CSTA: variants seen among roughly 807,000 people sequenced by gnomAD.
CSTA encodes the protein cystatin A, also known as cystatin-A.
A neutral mutation model predicts 9.2 loss-of-function variants in CSTA; 9 were observed. The ratio of observed to expected loss-of-function variants is 0.97; its 90% CI spans 0.59 to 1.70. The LOEUF (loss-of-function observed/expected upper bound fraction) is 1.70, where lower values mean the gene tolerates loss of function less well. Ranked by LOEUF, CSTA falls within the 40% of genes most tolerant of loss-of-function variation. CSTA has a pLI of 0.00. For synonymous variants in CSTA, 36 were observed against 40.6 expected, an observed-to-expected ratio of 0.89 and a Z score of 0.43; for missense variants, 118 against 113.1, an observed-to-expected ratio of 1.04 and a Z score of -0.20.
intron 1 of CSTA, among the ~76,000 whole-genome samples, chr3:122,333,008 T>C (rs1167656286): frequency 1.3e-5 from 2 of 152,114 alleles, no homozygotes; most frequent in Non-Finnish European, 2.9e-5. Flanking sequence ...ACCATGCAAA[T>C]CTATTTTACT....
Position 122,341,428 on chromosome 3 carries a change from A to C in CSTA, c.169-11A>C. On this transcript the variant is annotated splice_polypyrimidine_tract_variant and intron_variant, in intron 2 of 2. Coordinates refer to ENST00000264474, the MANE Select transcript of CSTA (RefSeq NM_005213.4). ...TCTCCTTTTGCTTTCTCTTTCTTTA[A>C]TATTTTTCAGGTACGAGCAGGTGAT... is the stretch of plus-strand genomic sequence containing the variant. 6.2e-7 allele frequency: 1 copy of C among 1,613,654 alleles called. No individual in the cohort carries two copies. Among genetic ancestry groups the C allele is most frequent in the South Asian group, 1.1e-5 (1 of 91,066 alleles).
At chr3:122,330,727 G>A (rs2075199491) in intron 1 of CSTA, among the ~76,000 whole-genome samples, 1 of 152,158 alleles carries the variant, frequency 6.6e-6, no homozygotes, top group Non-Finnish European at 1.5e-5. Context: ...AACAACTGTG[G>A]TCTTTTCATT....
At chr3:122,337,134 G>A (rs78032804) in intron 1 of CSTA, among the ~76,000 whole-genome samples, 5,293 of 152,036 alleles carry the variant, frequency 0.035, 301 homozygotes, top group African/African-American at 0.12. Context: ...TATGTAAAAC[G>A]GCAAAATTAA....
chr3:122,327,528 CAA>C (rs59568582), intron 1 of CSTA, among the ~76,000 whole-genome samples: 7 of 44,092 alleles, frequency 1.6e-4, no homozygotes, highest in Admixed American at 5.5e-4. Context: ...GACTCCGTCT[CAA>C]AAAAAAAAAA....
rs34173813 is a variant in CSTA at position 122,341,557 on chromosome 3, C to T, written c.287C>T (p.Thr96Met). The T allele has an allele frequency of 0.13, 210,281 of 1,613,738 alleles. 15,124 individuals are homozygous for T. The highest frequency in any genetic ancestry group is 0.25 in the Middle Eastern group (1,525 of 6,056). ...QVDKNKDDEL[T>M]GF is the part of the protein sequence containing the mutation. ...GACAAAAACAAGGATGACGAGCTGA[C>T]GGGCTTTTAGCAGCATGTACCCAAA... The change falls in exon 3 of 3, where the codon ACG becomes ATG. Residue 96 changes from threonine to methionine, a missense_variant. Transcript: ENST00000264474.
chr3:122,328,813 C>T (rs999892322), intron 1 of CSTA, among the ~76,000 whole-genome samples: 2 of 147,524 alleles, frequency 1.4e-5, no homozygotes, highest in African/African-American at 5.0e-5. Flanking sequence ...TGGTGACGGG[C>T]GCCTGTAGTC....
At chr3:122,331,081 A>G (rs762224112) in intron 1 of CSTA, among the ~76,000 whole-genome samples, 1 of 150,742 alleles carries the variant, frequency 6.6e-6, no homozygotes, top group Admixed American at 6.7e-5. Flanking sequence ...GCTACTATAC[A>G]TGCAATGTGC....
At chr3:122,329,287 T>C (rs2075189628) in intron 1 of CSTA, among the ~76,000 whole-genome samples, 2 of 151,836 alleles carry the variant, frequency 1.3e-5, no homozygotes, top group Non-Finnish European at 2.9e-5. Flanking sequence ...TTTTACTCCT[T>C]AGAAGGACTG....
intron 2 of CSTA, among the ~76,000 whole-genome samples, chr3:122,338,499 C>CA (rs58446448): frequency 1.5e-4 from 21 of 140,164 alleles, no homozygotes; most frequent in African/African-American, 3.4e-4. Flanking sequence ...ATTTTTTCAG[C>CA]AAAAAAAAAA....
In CSTA at chr3:122,341,486, T is replaced by A. The variant is rs1219295911; in HGVS notation, c.216T>A (p.Ser72Arg). ...ATATGCACTTGAAAGTATTCAAAAGTCTTCCCGGACAAAATGAGGACTTGG... is the reference window on the plus strand; with the variant it reads ...ATATGCACTTGAAAGTATTCAAAAGACTTCCCGGACAAAATGAGGACTTGG... The part of the protein sequence containing the change: ...NKYMHLKVFK[S>R]LPGQNEDLVL... Residue 72 changes from serine (S) to arginine (R), a missense_variant, in exon 3 of 3, where the codon AGT becomes AGA. Transcript: ENST00000264474. 6.2e-7 allele frequency: 1 copy of A among 1,614,044 alleles called. No homozygotes were observed. Among genetic ancestry groups the A allele is most frequent in the Admixed American group, 1.7e-5 (1 of 60,018 alleles).
At chr3:122,337,695 T>C in intron 2 of CSTA, 47 bp downstream of exon 2, 1 of 1,210,246 alleles carries the variant, frequency 8.3e-7, no homozygotes, top group Non-Finnish European at 1.2e-6. Flanking sequence ...TATTTCTCAT[T>C]TTATGTAAAA....
intron 1 of CSTA, among the ~76,000 whole-genome samples, chr3:122,333,720 GAGAA>G (rs1457002390): frequency 4.2e-4 from 42 of 99,328 alleles, no homozygotes; most frequent in African/African-American, 1.2e-3. Flanking sequence ...AAGAAAGAAA[GAGAA>G]AGAAAGAAAG....
At chr3:122,339,211 T>C (rs980537997) in intron 2 of CSTA, among the ~76,000 whole-genome samples, 1 of 152,188 alleles carries the variant, frequency 6.6e-6, no homozygotes, top group Admixed American at 6.5e-5. Context: ...TATGGGAAGC[T>C]CCTCCTCCTC....
chr3:122,333,764 T>A (rs953781112), intron 1 of CSTA, among the ~76,000 whole-genome samples: 7 of 151,636 alleles, frequency 4.6e-5, no homozygotes, highest in South Asian at 2.1e-4. Context: ...GAAAGGCTGG[T>A]TGGCTTAGGA....
In CSTA at chr3:122,327,437, G is replaced by A. The variant is rs1259737158; in HGVS notation, c.66+2079G>A. Among the ~76,000 whole-genome samples the A allele has an allele frequency of 4.0e-5, 6 of 148,850 alleles. No individual in the cohort carries two copies. In the Admixed American group the frequency reaches 4.1e-4, roughly 10 times the overall value. ...CCAGCTACTCGGGAGGCTGAGGCAG[G>A]AGAATGGCGTGAACCCGGGAGGTGG... On this transcript the variant is annotated intron_variant, in intron 1 of 2. Coordinates refer to ENST00000264474, the MANE Select transcript of CSTA (RefSeq NM_005213.4).
At chr3:122,333,540 GAAGAAAGA>G (rs71136564) in intron 1 of CSTA, among the ~76,000 whole-genome samples, 18,938 of 111,792 alleles carry the variant, frequency 0.17, 1,661 homozygotes, top group African/African-American at 0.2. Flanking sequence ...AGAAAAGAAA[GAAGAAAGA>G]AAGAAAGAAA....
chr3:122,339,809 C>T (rs961317471), intron 2 of CSTA, among the ~76,000 whole-genome samples: 5 of 152,178 alleles, frequency 3.3e-5, no homozygotes, highest in East Asian at 1.9e-4. Context: ...GAGCTGCGAT[C>T]GCACCACTGC....
chr3:122,325,455 T>C, intron 1 of CSTA, 97 bp downstream of exon 1: 1 of 1,206,470 alleles, frequency 8.3e-7, no homozygotes, highest in Non-Finnish European at 1.2e-6. Flanking sequence ...AACCAGAAGT[T>C]TAGGATGTTT....
intron 1 of CSTA, among the ~76,000 whole-genome samples, chr3:122,332,454 C>A (rs1284811969): frequency 6.6e-6 from 1 of 152,208 alleles, no homozygotes. Flanking sequence ...AAATGTAATT[C>A]ATCCACTTTG....
Sources: allele counts gnomAD v4.1 joint callset (sites outside exome capture counted in the v4.1 genomes callset), GRCh38; gene constraint gnomAD v4.1.1; transcripts MANE v1.5; gene names NCBI Gene and HGNC (gene_info 2026-07-23, HGNC 2026-07-21).